ARHGEF4: variants seen among roughly 807,000 people sequenced by gnomAD.
ARHGEF4 encodes APC-stimulated guanine nucleotide exchange factor 1.
A neutral mutation model predicts 162.0 loss-of-function variants in ARHGEF4; 119 were observed. That is an observed-to-expected ratio of 0.73 (90% CI 0.63 to 0.86). The LOEUF (loss-of-function observed/expected upper bound fraction) is 0.86, where lower values mean the gene tolerates loss of function less well. Among genes scored for constraint, ARHGEF4 ranks in the 40% least tolerant of loss-of-function variants. The probability of loss-of-function intolerance (pLI) is 0.00; values close to 1 mark genes in which losing one functional copy is unlikely to be tolerated. For missense variants in ARHGEF4, 2,488 were observed against 2,456.0 expected (o/e 1.01, Z -0.28); for synonymous variants, 1,014 against 979.9 (o/e 1.03, Z -0.65).
rs79698172 is a variant in ARHGEF4, at chr2:130,974,837, G to T, written c.3985+28202G>T. Among the ~76,000 whole-genome samples the T allele has an allele frequency of 1.4e-4, 21 of 152,200 alleles. No homozygotes were observed. The East Asian group carries it at 4.1e-3, about 29-fold the overall frequency. ...AAACTTAACATAAAACACAAGAATTGATTCTGATAATACACAGAATCTCTG... is the reference window on the plus strand; with the variant it reads ...AAACTTAACATAAAACACAAGAATTTATTCTGATAATACACAGAATCTCTG... On this transcript the variant is annotated intron_variant, in intron 4 of 13. Coordinates refer to ENST00000409359, the MANE Select transcript of ARHGEF4 (RefSeq NM_001367493.1).
At chr2:130,893,209 C>T (rs1013430590) in intron 1 of ARHGEF4, among the ~76,000 whole-genome samples, 1 of 152,202 alleles carries the variant, frequency 6.6e-6, no homozygotes, top group African/African-American at 2.4e-5. Context: ...TCTTTCTGCT[C>T]ATCTTCCCAA....
rs372358312 is a variant in ARHGEF4 at position 130,947,230 on chromosome 2, C to CA, written c.3985+609dup. ...GGGCAATAAGAGCAAAACTCCGTCT[C>CA]AAAAAAAAAAAAAATTATCTCCATA... On this transcript the variant is annotated intron_variant, in intron 4 of 13. Transcript: ENST00000409359. 1,153 of 126,604 alleles carry CA rather than the reference C, an allele frequency of 9.1e-3. 10 individuals are homozygous for CA. The highest frequency in any genetic ancestry group is 0.028 in the African/African-American group (967 of 34,302). 7.8% of individuals were successfully genotyped at this position (126,604 alleles called of 1,614,324 possible).
intron 4 of ARHGEF4, among the ~76,000 whole-genome samples, chr2:131,024,191 G>A (rs146919355): frequency 1.2e-4 from 18 of 151,780 alleles, no homozygotes; most frequent in African/African-American, 3.9e-4. Context: ...AGGGTGCACA[G>A]TGCCGTCTGT....
rs78906889 is a variant in ARHGEF4, at chr2:130,952,279, G to A, written c.3985+5644G>A. Among the ~76,000 whole-genome samples the A allele has an allele frequency of 7.0e-3, 1,070 of 152,166 alleles. 13 individuals are homozygous for A. Among genetic ancestry groups the A allele is most frequent in the African/African-American group, 0.024 (995 of 41,508 alleles). ...TTTAGTCTTCATTTTTGAAAGGTTA[G>A]CTTTCTGCATAAAGGATTCTTAGTT... is the stretch of plus-strand genomic sequence containing the variant. On this transcript the variant is annotated intron_variant, in intron 4 of 13. Transcript: ENST00000409359.
At chr2:130,986,163 G>A (rs998801872) in intron 4 of ARHGEF4, among the ~76,000 whole-genome samples, 5 of 151,746 alleles carry the variant, frequency 3.3e-5, no homozygotes, top group Non-Finnish European at 7.4e-5. Context: ...TGTGTTGCAT[G>A]TGTATGTTGT....
intron 4 of ARHGEF4, among the ~76,000 whole-genome samples, chr2:131,010,233 C>A (rs904043884): frequency 1.3e-5 from 2 of 152,188 alleles, no homozygotes; most frequent in Non-Finnish European, 2.9e-5. Flanking sequence ...CAATCAGTGA[C>A]ACTGTGACTG....
At chr2:131,014,343 T>C (rs1688645764) in intron 4 of ARHGEF4, among the ~76,000 whole-genome samples, 1 of 152,222 alleles carries the variant, frequency 6.6e-6, no homozygotes, top group African/African-American at 2.4e-5. Flanking sequence ...TACTGCTAAA[T>C]CATGACACAG....
intron 1 of ARHGEF4, among the ~76,000 whole-genome samples, chr2:130,872,224 A>C (rs184467119): frequency 1.1e-3 from 170 of 152,356 alleles, no homozygotes; most frequent in African/African-American, 3.9e-3. Flanking sequence ...ATCAAAACAC[A>C]GGGCTCAAGC....
chr2:130,916,698 A>C lies in ARHGEF4; in HGVS notation c.2752A>C (p.Asn918His), dbSNP rs1440470609. Residue 918 changes from asparagine to histidine, a missense_variant, in exon 2 of 14, where the codon AAC becomes CAC. Transcript: ENST00000409359. ...RLALAHKTFS[N>H]FIESIVLEKE... ...GGCCTTGGCTCATAAGACCTTTTCA[A>C]ACTTTATTGAGTCAATAGTTCTAGA... The C allele has an allele frequency of 8.4e-6, 13 of 1,550,564 alleles. 1 individual carries two copies. The South Asian group carries it at 1.4e-4, about 17-fold the overall frequency.
At chr2:130,995,765 T>C (rs1466216584) in intron 4 of ARHGEF4, among the ~76,000 whole-genome samples, 1 of 152,110 alleles carries the variant, frequency 6.6e-6, no homozygotes, top group African/African-American at 2.4e-5. Context: ...TCGCCCATGC[T>C]TCTAGCTTAC....
At chr2:130,921,070 A>T (rs1471895919) in intron 2 of ARHGEF4, among the ~76,000 whole-genome samples, 1 of 151,304 alleles carries the variant, frequency 6.6e-6, no homozygotes, top group Non-Finnish European at 1.5e-5. Context: ...GTTCACTTGC[A>T]TTTCATTATC....
intron 3 of ARHGEF4, among the ~76,000 whole-genome samples, chr2:130,946,087 G>T (rs939708408): frequency 3.3e-5 from 5 of 152,220 alleles, no homozygotes; most frequent in African/African-American, 1.2e-4. Flanking sequence ...ACTGTCTGAA[G>T]GGCAGTGTCT....
intron 1 of ARHGEF4, among the ~76,000 whole-genome samples, chr2:130,851,188 C>T (rs1429353497): frequency 6.6e-6 from 1 of 152,246 alleles, no homozygotes; most frequent in Non-Finnish European, 1.5e-5. Context: ...TAGGACCTGC[C>T]AGAGGCCAGC....
intron 1 of ARHGEF4, among the ~76,000 whole-genome samples, chr2:130,847,058 T>G (rs904234328): frequency 6.6e-6 from 1 of 152,098 alleles, no homozygotes; most frequent in Non-Finnish European, 1.5e-5. Flanking sequence ...AATTCTGATG[T>G]GCGCGGGCTA....
rs370394025 is a variant in ARHGEF4 at position 130,993,303 on chromosome 2, A to G, written c.3986-34642A>G. Among the ~76,000 whole-genome samples, 58 of 152,350 alleles carry G rather than the reference A, an allele frequency of 3.8e-4. 1 individual carries two copies. Among genetic ancestry groups the G allele is most frequent in the African/African-American group, 1.3e-3 (55 of 41,582 alleles). ...ATTTTCAAATATACACAGATATTCTAATCAACTTTTTAAAAAATTTCTGGC... is the reference window on the plus strand; with the variant it reads ...ATTTTCAAATATACACAGATATTCTGATCAACTTTTTAAAAAATTTCTGGC... On this transcript the variant is annotated intron_variant, in intron 4 of 13. Transcript: ENST00000409359.
intron 1 of ARHGEF4, among the ~76,000 whole-genome samples, chr2:130,842,018 G>C (rs1680648244): frequency 6.6e-6 from 1 of 152,200 alleles, no homozygotes; most frequent in Non-Finnish European, 1.5e-5. Context: ...GTTTTTGCTG[G>C]TGTATGTTGG....
At chr2:131,002,306 G>A (rs1266138613) in intron 4 of ARHGEF4, among the ~76,000 whole-genome samples, 5 of 152,080 alleles carry the variant, frequency 3.3e-5, no homozygotes, top group African/African-American at 7.2e-5. Flanking sequence ...GGCCGGGCGC[G>A]GTGGCTCATG....
intron 1 of ARHGEF4, among the ~76,000 whole-genome samples, chr2:130,885,464 G>A (rs959061703): frequency 6.6e-6 from 1 of 151,486 alleles, no homozygotes; most frequent in Non-Finnish European, 1.5e-5. Flanking sequence ...AGGTCTCATC[G>A]TAATACTGTT....
chr2:130,964,457 G>C (rs1684863757), intron 4 of ARHGEF4, among the ~76,000 whole-genome samples: 1 of 152,096 alleles, frequency 6.6e-6, no homozygotes, highest in Non-Finnish European at 1.5e-5. Flanking sequence ...CTGTCTCTCT[G>C]ATCCACGTCT....
Sources: gnomAD v4.1 joint callset for allele counts (sites outside exome capture counted in the v4.1 genomes callset) on GRCh38, gnomAD v4.1.1 for gene constraint, MANE v1.5 for transcripts, NCBI Gene and HGNC (gene_info 2026-07-23, HGNC 2026-07-21) for gene names.